The following DIPK1C variants were observed in gnomAD, a reference collection of about 807,000 sequenced individuals.
DIPK1C encodes divergent protein kinase domain 1C, also known as familial non-conventional Alzheimer's dementia.
A neutral mutation model predicts 28.0 loss-of-function variants in DIPK1C; 33 were observed. The observed-to-expected ratio is 1.18, with a 90% CI of 0.89 to 1.58. The LOEUF is 1.58. DIPK1C is among the 40% of genes most tolerant of loss of function. The pLI is 0.00. For synonymous variants in DIPK1C, 255 were observed against 248.8 expected, an observed-to-expected ratio of 1.02 and a Z score of -0.23; for missense variants, 569 against 568.5, an observed-to-expected ratio of 1.00 and a Z score of -0.01.
intron 2 of DIPK1C, among the ~76,000 whole-genome samples, chr18:74,445,877 G>A (rs536339956): frequency 5.9e-5 from 9 of 152,232 alleles, no homozygotes; most frequent in Non-Finnish European, 1.2e-4. Context: ...GATGATCGCA[G>A]CAGCATGAAT....
chr18:74,461,327 TTTTC>T (rs1372188249), upstream of DIPK1C, among the ~76,000 whole-genome samples: 2 of 145,476 alleles, frequency 1.4e-5, no homozygotes, highest in Non-Finnish European at 3.0e-5. Context: ...TTTCTTTTTC[TTTTC>T]CTTCCTTCCT....
In DIPK1C at chr18:74,436,205, C is replaced by T; in HGVS notation, c.*296G>A. 2.5e-6 allele frequency: 1 copy of T among 402,902 alleles called. No homozygotes were observed. The highest frequency in any genetic ancestry group is 4.5e-6 in the Non-Finnish European group (1 of 224,126). The allele number at this position is 402,902 out of a possible 1,614,324, so 25.0% of individuals were successfully genotyped here. A position where few individuals can be genotyped will look rare whatever the true frequency, so the allele number is the denominator to read the frequency against. ...GTGCTGGGATAACCAGGTACAAGTG[C>T]TCTCTGCAGAGAATAAGTGCACACA... On this transcript the variant is annotated 3_prime_UTR_variant, in exon 4 of 4. Transcript: ENST00000343998.
At chr18:74,462,366 C>G (rs1052457138), upstream of DIPK1C, among the ~76,000 whole-genome samples, 1 of 152,240 alleles carries the variant, frequency 6.6e-6, no homozygotes, top group Non-Finnish European at 1.5e-5. Context: ...GCTTCTTTCA[C>G]TTAATGCTTT....
chr18:74,442,518 A>T (rs912888678), intron 2 of DIPK1C, among the ~76,000 whole-genome samples: 7 of 152,042 alleles, frequency 4.6e-5, no homozygotes, highest in Admixed American at 3.9e-4. Flanking sequence ...TTTAGTAGAG[A>T]CGGGGTTTCA....
upstream of DIPK1C, among the ~76,000 whole-genome samples, chr18:74,458,187 T>C (rs1231823085): frequency 6.6e-6 from 1 of 152,066 alleles, no homozygotes; most frequent in Non-Finnish European, 1.5e-5. Flanking sequence ...CCTGAACGCC[T>C]TTCCCCAGGA....
chr18:74,455,128 C>T (rs1406732818), intron 1 of DIPK1C, among the ~76,000 whole-genome samples: 1 of 152,106 alleles, frequency 6.6e-6, no homozygotes, highest in Non-Finnish European at 1.5e-5. Context: ...CATATGGCTG[C>T]CATTGAAGAT....
chr18:74,446,062 G>A (rs1199355958), intron 2 of DIPK1C, among the ~76,000 whole-genome samples: 5 of 152,194 alleles, frequency 3.3e-5, no homozygotes, highest in Admixed American at 3.3e-4. Flanking sequence ...TTTCCCTTGT[G>A]GAAGGCACTA....
At chr18:74,458,818 A>T (rs1033130205), upstream of DIPK1C, among the ~76,000 whole-genome samples, 1 of 152,206 alleles carries the variant, frequency 6.6e-6, no homozygotes, top group Admixed American at 6.5e-5. Flanking sequence ...GCATCCTAGT[A>T]AAATACTGCA....
upstream of DIPK1C, among the ~76,000 whole-genome samples, chr18:74,460,946 C>T (rs148451736): frequency 1.4e-3 from 220 of 152,320 alleles, 1 homozygote; most frequent in Non-Finnish European, 2.1e-3. Context: ...GCTGCGTGTC[C>T]GTCACTGTCT....
intron 1 of DIPK1C, among the ~76,000 whole-genome samples, chr18:74,449,566 G>A (rs954821022): frequency 7.2e-5 from 11 of 152,244 alleles, no homozygotes; most frequent in African/African-American, 2.7e-4. Context: ...CCTGCTGCGG[G>A]GGTGCTCCTG....
At chr18:74,459,766 T>C (rs1986589783), upstream of DIPK1C, among the ~76,000 whole-genome samples, 1 of 152,176 alleles carries the variant, frequency 6.6e-6, no homozygotes. Flanking sequence ...GTGAGGTGTA[T>C]GTGGGCAGGA....
At chr18:74,439,422 C>A (rs532112627) in intron 3 of DIPK1C, among the ~76,000 whole-genome samples, 2 of 152,098 alleles carry the variant, frequency 1.3e-5, no homozygotes, top group African/African-American at 4.8e-5. Flanking sequence ...GCTAAATACC[C>A]GTATTTCATT....
intron 2 of DIPK1C, among the ~76,000 whole-genome samples, chr18:74,442,666 C>A (rs186599406): frequency 6.6e-6 from 1 of 152,226 alleles, no homozygotes; most frequent in African/African-American, 2.4e-5. Context: ...ATAGCTACAG[C>A]GGAAGGCTTT....
chr18:74,441,860 C>A, intron 3 of DIPK1C, 92 bp downstream of exon 3: 1 of 1,393,898 alleles, frequency 7.2e-7, no homozygotes, highest in Non-Finnish European at 9.9e-7. Context: ...AAAAGGTCGA[C>A]CTTGAGCTCC....
At position 74,457,082 on chromosome 18, in the gene DIPK1C, G is replaced by C; in HGVS notation, c.178C>G (p.Arg60Gly). Residue 60 changes from arginine to glycine, a missense_variant, in exon 1 of 4, where the codon CGG becomes GGG. By Grantham distance (125) the Arg-to-Gly change is moderately radical. Transcript: ENST00000343998. ...CCTACCAGCGCGGCCAGGATGCGCC[G>C]GCTCTTCTCGTCGGTGCAGCGCTCG... ...LSERCTDEKS[R>G]RILAALCQDY... 1.4e-6 allele frequency: 2 copies of C among 1,467,468 alleles called. No individual in the cohort carries two copies. The highest frequency in any genetic ancestry group is 1.3e-5 in the South Asian group (1 of 76,802). 90.9% of individuals were successfully genotyped at this position (1,467,468 alleles called of 1,614,324 possible). A position where few individuals can be genotyped will look rare whatever the true frequency, so the allele number is the denominator to read the frequency against.
chr18:74,452,688 C>T (rs1211586789), intron 1 of DIPK1C, among the ~76,000 whole-genome samples: 1 of 152,092 alleles, frequency 6.6e-6, no homozygotes, highest in East Asian at 1.9e-4. Flanking sequence ...GTAGAGGCTG[C>T]AGTGAGCCAC....
chr18:74,459,478 C>A (rs1054473871), upstream of DIPK1C, among the ~76,000 whole-genome samples: 5 of 152,206 alleles, frequency 3.3e-5, no homozygotes, highest in African/African-American at 1.2e-4. Context: ...GTGGAGAGTG[C>A]AGCTTAGGTT....
rs1986280654 is a variant in DIPK1C, at chr18:74,446,948, T to G, written c.534A>C (p.Pro178=). 6.7e-7 allele frequency: 1 copy of G among 1,503,180 alleles called. No homozygotes were observed. The highest frequency in any genetic ancestry group is 8.9e-7 in the Non-Finnish European group (1 of 1,120,960). The allele number at this position is 1,503,180 out of a possible 1,614,324, so 93.1% of individuals were successfully genotyped here. A position where few individuals can be genotyped will look rare whatever the true frequency, so the allele number is the denominator to read the frequency against. The change falls in exon 2 of 4, where the codon CCA becomes CCC. Residue 178 remains proline (P), a synonymous_variant. Transcript: ENST00000343998. ...GGCTGGCCAGCTGTCCCCGCCAGCGTGGGCCCCGCCTGCCCGGCCACCACG... is the reference window on the plus strand; with the variant it reads ...GGCTGGCCAGCTGTCCCCGCCAGCGGGGGCCCCGCCTGCCCGGCCACCACG... ...LGPWWPGRRG[P]RWRGQLASLW...
chr18:74,448,400 CTGT>C (rs907987118), intron 1 of DIPK1C, among the ~76,000 whole-genome samples: 2 of 152,184 alleles, frequency 1.3e-5, no homozygotes, highest in Non-Finnish European at 2.9e-5. Flanking sequence ...AATCCCAAAG[CTGT>C]TGTTCTCACC....
Sources: allele counts gnomAD v4.1 joint callset (sites outside exome capture counted in the v4.1 genomes callset), GRCh38; gene constraint gnomAD v4.1.1; transcripts MANE v1.5; gene names NCBI Gene and HGNC (gene_info 2026-07-23, HGNC 2026-07-21).